The following GXYLT2 variants were observed in gnomAD, a reference collection of about 807,000 sequenced individuals.
GXYLT2 encodes the protein glycosyltransferase 8 domain containing 4.
A neutral mutation model predicts 45.8 loss-of-function variants in GXYLT2; 53 were observed. The observed-to-expected ratio is 1.16, with a 90% confidence interval of 0.93 to 1.46. The LOEUF is 1.46. GXYLT2 is among the 40% of genes most tolerant of loss of function. The pLI is 0.00. For missense variants in GXYLT2, 551 were observed against 544.4 expected, an observed-to-expected ratio of 1.01 and a Z score of -0.12; for synonymous variants, 219 against 214.2, an observed-to-expected ratio of 1.02 and a Z score of -0.19.
At chr3:72,912,640 G>A (rs951590654) in intron 2 of GXYLT2, among the ~76,000 whole-genome samples, 6 of 152,194 alleles carry the variant, frequency 3.9e-5, no homozygotes, top group African/African-American at 1.2e-4. Context: ...CTGGCTCTTT[G>A]TGAGGATGCC....
chr3:72,960,431 A>T (rs1710746427), intron 5 of GXYLT2, among the ~76,000 whole-genome samples: 1 of 152,228 alleles, frequency 6.6e-6, no homozygotes, highest in Non-Finnish European at 1.5e-5. Context: ...TTGCAATTAA[A>T]CAGGAGTCCC....
intron 2 of GXYLT2, among the ~76,000 whole-genome samples, chr3:72,911,153 G>A (rs1369404221): frequency 6.6e-6 from 1 of 152,166 alleles, no homozygotes; most frequent in Non-Finnish European, 1.5e-5. Flanking sequence ...TTAGCTGGGT[G>A]TAGTGGAGTG....
rs529657294 is a variant in GXYLT2 at position 72,974,498 on chromosome 3, GCCTT to G, written c.1150-473_1150-470del. Among the ~76,000 whole-genome samples the G allele has an allele frequency of 5.3e-5, 8 of 152,308 alleles. No individual in the cohort carries two copies. The East Asian group carries it at 1.3e-3, about 26-fold the overall frequency. On this transcript the variant is annotated intron_variant, in intron 6 of 6. Coordinates refer to ENST00000389617, the MANE Select transcript of GXYLT2 (RefSeq NM_001080393.2). ...AGTAGATTTCAAGTGAGTATCTTGA[GCCTT>G]CCTTCTACTCAGCGTAAACATGCTA...
chr3:72,930,592 C>CT (rs71126806), intron 3 of GXYLT2, among the ~76,000 whole-genome samples: 4,024 of 101,608 alleles, frequency 0.04, 271 homozygotes, highest in African/African-American at 0.086. Context: ...TCTTCTTCTT[C>CT]TTTTTTTTTT....
At chr3:72,906,272 A>C (rs780057536) in intron 1 of GXYLT2, among the ~76,000 whole-genome samples, 1 of 152,104 alleles carries the variant, frequency 6.6e-6, no homozygotes, top group Non-Finnish European at 1.5e-5. Flanking sequence ...TCCCTGATTT[A>C]GTGCCTTTGT....
chr3:72,925,949 C>T (rs1709911562), intron 3 of GXYLT2, among the ~76,000 whole-genome samples: 1 of 152,152 alleles, frequency 6.6e-6, no homozygotes, highest in Admixed American at 6.5e-5. Context: ...TATATCACAA[C>T]AGCAGATTAT....
chr3:72,890,209 G>A (rs1187505815), intron 1 of GXYLT2, among the ~76,000 whole-genome samples: 2 of 130,896 alleles, frequency 1.5e-5, no homozygotes, highest in Admixed American at 7.3e-5. Context: ...CCACCGCGCC[G>A]GGCCCAACCA....
intron 2 of GXYLT2, among the ~76,000 whole-genome samples, chr3:72,909,354 G>A (rs1198777555): frequency 6.6e-6 from 1 of 151,862 alleles, no homozygotes; most frequent in Non-Finnish European, 1.5e-5. Context: ...ACAGGCATGA[G>A]CCACTGCGCC....
At chr3:72,944,392 T>C (rs1710363579) in intron 3 of GXYLT2, among the ~76,000 whole-genome samples, 1 of 151,896 alleles carries the variant, frequency 6.6e-6, no homozygotes, top group Admixed American at 6.6e-5. Context: ...GTAGCTGGGA[T>C]TACAAACGTG....
At chr3:72,942,998 A>G (rs1316049866) in intron 3 of GXYLT2, among the ~76,000 whole-genome samples, 2 of 152,222 alleles carry the variant, frequency 1.3e-5, no homozygotes, top group Non-Finnish European at 2.9e-5. Flanking sequence ...TGAAGAATAT[A>G]TGGGAACTCT....
At chr3:72,957,902 T>G (rs1164572527) in intron 5 of GXYLT2, among the ~76,000 whole-genome samples, 2 of 152,222 alleles carry the variant, frequency 1.3e-5, no homozygotes, top group African/African-American at 4.8e-5. Context: ...ACATTTCTGG[T>G]CTGTGTGTTT....
Position 72,975,390 on chromosome 3 carries a change from C to T in GXYLT2, c.*231C>T, listed in dbSNP as rs967341879. 4 of 375,314 alleles carry T rather than the reference C, an allele frequency of 1.1e-5. No individual in the cohort carries two copies. In the East Asian group the frequency reaches 1.6e-4, roughly 15 times the overall value. 23.2% of individuals were successfully genotyped at this position (375,314 alleles called of 1,614,324 possible). ...TAAGGAAAAAAAAAAAAGACTATTA[C>T]TCATTTAACATTGTTTAAGCAGGTT... On this transcript the variant is annotated 3_prime_UTR_variant, in exon 7 of 7. Coordinates refer to ENST00000389617, the MANE Select transcript of GXYLT2 (RefSeq NM_001080393.2).
At chr3:72,915,220 A>G (rs1318891590) in intron 2 of GXYLT2, among the ~76,000 whole-genome samples, 1 of 151,894 alleles carries the variant, frequency 6.6e-6, no homozygotes, top group Non-Finnish European at 1.5e-5. Context: ...TAACTAAAAC[A>G]TGGTGAGGAG....
chr3:72,923,081 C>A (rs943418810), intron 3 of GXYLT2, among the ~76,000 whole-genome samples: 3 of 152,056 alleles, frequency 2.0e-5, no homozygotes, highest in African/African-American at 7.2e-5. Context: ...ATGGTGAAAC[C>A]CTGTCTCTAC....
chr3:72,908,849 C>T (rs760654726), intron 2 of GXYLT2, among the ~76,000 whole-genome samples: 4 of 152,162 alleles, frequency 2.6e-5, no homozygotes, highest in East Asian at 1.9e-4. Context: ...GTGATCCTCC[C>T]GCCTTAGCCT....
chr3:72,912,013 ATT>A (rs35108267), intron 2 of GXYLT2, among the ~76,000 whole-genome samples: 16 of 114,890 alleles, frequency 1.4e-4, no homozygotes, highest in Middle Eastern at 4.3e-3. Flanking sequence ...ATATATATAT[ATT>A]TTTTTTTTTT....
At chr3:72,938,681 G>C (rs1320311890) in intron 3 of GXYLT2, among the ~76,000 whole-genome samples, 1 of 152,210 alleles carries the variant, frequency 6.6e-6, no homozygotes, top group East Asian at 1.9e-4. Flanking sequence ...CATGGAAGCA[G>C]ATGGAACATC....
Position 72,888,316 on chromosome 3 carries a change from G to C in GXYLT2, c.83G>C (p.Gly28Ala), listed in dbSNP as rs1709105370. ...LLLALLSLRAGRAEPPALPAR... is the reference protein window; with the variant it reads ...LLLALLSLRAARAEPPALPAR... ...CTGGCGCTGCTGTCCCTGCGCGCTG[G>C]CCGCGCTGAGCCCCCAGCGCTGCCC... Residue 28 changes from glycine (G) to alanine (A), a missense_variant, in exon 1 of 7, where the codon GGC becomes GCC. By Grantham distance (60) the Gly-to-Ala change is moderately conservative. Transcript: ENST00000389617. 1.0e-6 allele frequency: 1 copy of C among 987,478 alleles called. No individual in the cohort carries two copies. Among genetic ancestry groups the C allele is most frequent in the East Asian group, 1.1e-4 (1 of 8,956 alleles). 61.2% of individuals were successfully genotyped at this position (987,478 alleles called of 1,614,324 possible). A position where few individuals can be genotyped will look rare whatever the true frequency, so the allele number is the denominator to read the frequency against.
intron 2 of GXYLT2, among the ~76,000 whole-genome samples, chr3:72,911,877 C>T (rs1709629903): frequency 6.6e-6 from 1 of 151,292 alleles, no homozygotes. Flanking sequence ...AAGCAATCCT[C>T]CTGCCTCAGT....
Sources: gnomAD v4.1 joint callset for allele counts (sites outside exome capture counted in the v4.1 genomes callset) on GRCh38, gnomAD v4.1.1 for gene constraint, MANE v1.5 for transcripts, NCBI Gene and HGNC (gene_info 2026-07-23, HGNC 2026-07-21) for gene names.